ANXA4: variants seen among roughly 807,000 people sequenced by gnomAD.
ANXA4 encodes 35-beta calcimedin.
A neutral mutation model predicts 49.8 loss-of-function variants in ANXA4; 39 were observed. The ratio of observed to expected loss-of-function variants is 0.78; its 90% CI spans 0.61 to 1.02. The LOEUF is 1.02. Among genes scored for constraint, ANXA4 ranks in the 50% least tolerant of loss-of-function variants. The pLI is 0.00. For missense variants in ANXA4, 360 were observed against 410.1 expected (o/e 0.88, Z 1.05); for synonymous variants, 134 against 152.5 (o/e 0.88, Z 0.89).
rs72901475 is a variant in ANXA4, at chr2:69,718,754, T to C, written n.767-2020T>C. ...ACACAAATGCACACACATACATGCATACACACACATACACACACATTCACA... is the reference window on the plus strand; with the variant it reads ...ACACAAATGCACACACATACATGCACACACACACATACACACACATTCACA... On this transcript the variant is annotated intron_variant and non_coding_transcript_variant, in intron 2 of 3. Transcript: ENST00000418066. 5.3e-3 allele frequency among the ~76,000 whole-genome samples: 765 copies of C among 143,394 alleles called. 9 individuals carry two copies. The highest frequency in any genetic ancestry group is 0.02 in the African/African-American group (700 of 34,790). The allele number at this position is 143,394 out of a possible 152,430, so 94.1% of individuals were successfully genotyped here.
At chr2:69,705,378 C>T (rs2105396221) in intron 2 of ANXA4, among the ~76,000 whole-genome samples, 1 of 152,240 alleles carries the variant, frequency 6.6e-6, no homozygotes, top group South Asian at 2.1e-4. Flanking sequence ...TATTTTGCCT[C>T]TTGTTAGTCT....
At chr2:69,814,340 T>C (rs1359691527) in intron 8 of ANXA4, among the ~76,000 whole-genome samples, 1 of 117,430 alleles carries the variant, frequency 8.5e-6, no homozygotes, top group Non-Finnish European at 1.6e-5. Context: ...CTGTATTTTA[T>C]TCTTTTTTTT....
At chr2:69,732,606 A>C (rs1414690303) in intron 3 of ANXA4, among the ~76,000 whole-genome samples, 3 of 151,878 alleles carry the variant, frequency 2.0e-5, no homozygotes, top group Admixed American at 6.6e-5. Flanking sequence ...TAAAAATAAA[A>C]AATTAGTTGG....
chr2:69,745,532 T>G (rs913336850), intron 1 of ANXA4, among the ~76,000 whole-genome samples: 1 of 152,136 alleles, frequency 6.6e-6, no homozygotes, highest in African/African-American at 2.4e-5. Context: ...TTTATTTTTT[T>G]TATTTTTTTA....
upstream of ANXA4, chr2:69,643,810 C>T (rs1485428662): frequency 8.4e-7 from 1 of 1,184,484 alleles, no homozygotes; most frequent in East Asian, 3.7e-5. Flanking sequence ...GAACCGCCGC[C>T]GGAAGTGCCC....
chr2:69,675,598 G>A lies in ANXA4; in HGVS notation n.766+22316G>A, dbSNP rs115858058. Among the ~76,000 whole-genome samples the A allele has an allele frequency of 4.9e-3, 749 of 152,288 alleles. 10 individuals carry two copies. Among genetic ancestry groups the A allele is most frequent in the African/African-American group, 0.017 (708 of 41,566 alleles). ...AAGCTGAGCAAAAGTGAGATACCTGGAAGAGTGAGTCATAGGGGCAGAAAG... is the reference window on the plus strand; with the variant it reads ...AAGCTGAGCAAAAGTGAGATACCTGAAAGAGTGAGTCATAGGGGCAGAAAG... On this transcript the variant is annotated intron_variant and non_coding_transcript_variant, in intron 2 of 3. Transcript: ENST00000418066.
intron 2 of ANXA4, among the ~76,000 whole-genome samples, chr2:69,684,459 G>A (rs1677709543): frequency 6.6e-6 from 1 of 152,062 alleles, no homozygotes; most frequent in Non-Finnish European, 1.5e-5. Flanking sequence ...AGGTATGGTC[G>A]AGTGCAGTGG....
At chr2:69,711,686 A>T (rs534263366) in intron 2 of ANXA4, among the ~76,000 whole-genome samples, 2 of 152,336 alleles carry the variant, frequency 1.3e-5, no homozygotes, top group South Asian at 4.1e-4. Flanking sequence ...AAAGCCAATT[A>T]AGAAAATAAG....
intron 2 of ANXA4, among the ~76,000 whole-genome samples, chr2:69,675,094 C>T (rs149654794): frequency 1.3e-4 from 20 of 152,022 alleles, no homozygotes; most frequent in African/African-American, 4.8e-4. Context: ...GGCTAATTTT[C>T]TGTATTTGTA....
chr2:69,781,200 G>T, intron 1 of ANXA4: 1 of 338,960 alleles, frequency 3.0e-6, no homozygotes, highest in Non-Finnish European at 5.5e-6. Context: ...GTAACATTCA[G>T]TTCAGAATCT....
At chr2:69,750,559 C>CTTA (rs1670797423) in intron 1 of ANXA4, among the ~76,000 whole-genome samples, 1 of 152,174 alleles carries the variant, frequency 6.6e-6, no homozygotes, top group African/African-American at 2.4e-5. Flanking sequence ...ACTATAGGCA[C>CTTA]GCGCTGCCAC....
intron 9 of ANXA4, chr2:69,817,081 T>G (rs966451207): frequency 6.6e-6 from 1 of 152,248 alleles, no homozygotes; most frequent in African/African-American, 2.4e-5. Context: ...TGACTCAGCT[T>G]CTTTCTTCAC....
chr2:69,799,543 G>A (rs1573282720), intron 3 of ANXA4, among the ~76,000 whole-genome samples: 1 of 152,272 alleles, frequency 6.6e-6, no homozygotes, highest in East Asian at 1.9e-4. Flanking sequence ...TAAAAGGAAA[G>A]TTTTCTGCTG....
chr2:69,784,204 T>C (rs1573248995), intron 2 of ANXA4, among the ~76,000 whole-genome samples: 1 of 152,230 alleles, frequency 6.6e-6, no homozygotes, highest in Non-Finnish European at 1.5e-5. Flanking sequence ...TGAAATTCAA[T>C]CAATATGGAT....
At chr2:69,759,005 G>A (rs1229820774) in intron 1 of ANXA4, among the ~76,000 whole-genome samples, 1 of 151,758 alleles carries the variant, frequency 6.6e-6, no homozygotes, top group Non-Finnish European at 1.5e-5. Context: ...GTATGGTGAC[G>A]CATGCCTGTA....
In ANXA4 at chr2:69,816,222, A is replaced by G. The variant is rs576688082; in HGVS notation, c.628+28A>G. 224 of 1,595,252 alleles carry G rather than the reference A, an allele frequency of 1.4e-4. 5 individuals are homozygous for G. The South Asian group carries it at 2.4e-3, about 17-fold the overall frequency. ...AAGGCACTTACTTCATTTCCCAAAG[A>G]AAAGGAGTGAAAGATAGCAAAAACT... On this transcript the variant is annotated intron_variant, in intron 9 of 12. Coordinates refer to ENST00000394295, the MANE Select transcript of ANXA4 (RefSeq NM_001153.5).
upstream of ANXA4, among the ~76,000 whole-genome samples, chr2:69,740,202 CTTTCTT>C (rs527437299): frequency 7.5e-4 from 114 of 152,124 alleles, no homozygotes; most frequent in African/African-American, 2.4e-3. Flanking sequence ...TTAATTTTTT[CTTTCTT>C]TTTCTTTTTC....
intron 2 of ANXA4, among the ~76,000 whole-genome samples, chr2:69,706,948 A>G (rs1678519647): frequency 1.3e-5 from 2 of 152,216 alleles, no homozygotes; most frequent in Admixed American, 1.3e-4. Context: ...CTAGTGGATT[A>G]CATTGTAGAT....
chr2:69,746,897 C>T (rs1448023638), intron 1 of ANXA4, among the ~76,000 whole-genome samples: 1 of 151,862 alleles, frequency 6.6e-6, no homozygotes, highest in Non-Finnish European at 1.5e-5. Context: ...ATATGGGAGG[C>T]TGAAGTGGGA....
Sources: allele counts gnomAD v4.1 joint callset (sites outside exome capture counted in the v4.1 genomes callset), GRCh38; gene constraint gnomAD v4.1.1; transcripts MANE v1.5; gene names NCBI Gene and HGNC (gene_info 2026-07-23, HGNC 2026-07-21).